The following CACHD1 variants were observed in gnomAD, a reference collection of about 807,000 sequenced individuals.
CACHD1 encodes VWFA and cache domain-containing protein 1.
In CACHD1, 71 loss-of-function variants were observed where a neutral mutation model predicts 138.7. That is an observed-to-expected ratio of 0.51 (90% CI 0.42 to 0.62). The LOEUF is 0.62. Among genes scored for constraint, CACHD1 ranks in the 20% least tolerant of loss-of-function variants. CACHD1 has a pLI of 0.00. For missense variants in CACHD1, 1,389 were observed against 1,625.3 expected (o/e 0.85, Z 2.50); for synonymous variants, 578 against 591.5 (o/e 0.98, Z 0.33).
intron 1 of CACHD1, among the ~76,000 whole-genome samples, chr1:64,540,979 AGT>A (rs369916212): frequency 0.02 from 3,059 of 150,194 alleles, 38 homozygotes; most frequent in African/African-American, 0.023. Context: ...AGTGGCTGTG[AGT>A]GTGTGTGTGT....
intron 19 of CACHD1, among the ~76,000 whole-genome samples, chr1:64,673,889 A>T (rs922855476): frequency 6.6e-6 from 1 of 152,126 alleles, no homozygotes; most frequent in African/African-American, 2.4e-5. Flanking sequence ...ATGAGATGGG[A>T]ACTCTTATGT....
Position 64,629,494 on chromosome 1 carries a change from G to A in CACHD1, c.644+13G>A. 6.2e-7 allele frequency: 1 copy of A among 1,610,356 alleles called. No individual in the cohort carries two copies. Among genetic ancestry groups the A allele is most frequent in the South Asian group, 1.1e-5 (1 of 90,130 alleles). On this transcript the variant is annotated intron_variant, in intron 5 of 26. Coordinates refer to ENST00000651257, the MANE Select transcript of CACHD1 (RefSeq NM_020925.4). The stretch of plus-strand genomic sequence containing the variant: ...AACACCGCAGTAGGTATGTTGACTT[G>A]CATGCTAAAGTTTTTAATTATTGCT...
chr1:64,559,299 A>G (rs1166208758), intron 2 of CACHD1, among the ~76,000 whole-genome samples: 3 of 152,252 alleles, frequency 2.0e-5, no homozygotes, highest in Non-Finnish European at 4.4e-5. Flanking sequence ...TATGTACACT[A>G]TGGAATATTA....
intron 2 of CACHD1, among the ~76,000 whole-genome samples, chr1:64,572,924 C>T (rs1352031920): frequency 1.3e-5 from 2 of 152,212 alleles, no homozygotes; most frequent in Non-Finnish European, 1.5e-5. Flanking sequence ...ACTGCATCTC[C>T]AGGTCTTCAT....
intron 1 of CACHD1, among the ~76,000 whole-genome samples, chr1:64,475,171 C>CTTTTTTTTTTTTTTTTTTT (rs3078373): frequency 8.0e-6 from 1 of 124,286 alleles, no homozygotes; most frequent in Non-Finnish European, 1.6e-5. Flanking sequence ...AAATTCCTTC[C>CTTTTTTTTTTTTTTTTTTT]TTTTTTTTTT....
intron 2 of CACHD1, among the ~76,000 whole-genome samples, chr1:64,580,638 A>T (rs1004383737): frequency 1.3e-5 from 2 of 152,186 alleles, no homozygotes; most frequent in South Asian, 2.1e-4. Context: ...ATTTTCCAAC[A>T]CCTGTTAAAA....
chr1:64,578,248 T>A (rs909984427), intron 2 of CACHD1, among the ~76,000 whole-genome samples: 4 of 152,194 alleles, frequency 2.6e-5, no homozygotes, highest in Non-Finnish European at 4.4e-5. Context: ...GGCTTTGGGC[T>A]CATCACTTAA....
rs767907374 is a variant in CACHD1 at position 64,671,651 on chromosome 1, A to T, written c.2475A>T (p.Leu825Phe). 1 of 1,614,008 alleles carries T rather than the reference A, an allele frequency of 6.2e-7. No homozygotes were observed. Among genetic ancestry groups the T allele is most frequent in the Non-Finnish European group, 8.5e-7 (1 of 1,179,950 alleles). ...TCTACAAAGTTCTGATGGACCTATT[A>T]CCTGTCTGTAACCAAGATGGTGGCA... ...RYFYKVLMDLLPVCNQDGGNK... is the reference protein window; with the variant it reads ...RYFYKVLMDLFPVCNQDGGNK... The change falls in exon 17 of 27, where the codon TTA (leucine) becomes TTT (phenylalanine). Residue 825 changes from leucine to phenylalanine, a missense_variant. Physicochemically the swap from Leu to Phe is conservative, Grantham distance 22. Around this residue, in one of 5 missense-constraint regions of CACHD1, gnomAD observed 1,000 missense variants for 1,114.7 expected, o/e 0.90. Coordinates refer to ENST00000651257, the MANE Select transcript of CACHD1 (RefSeq NM_020925.4).
At chr1:64,582,533 A>G (rs1647021137) in intron 3 of CACHD1, among the ~76,000 whole-genome samples, 1 of 152,126 alleles carries the variant, frequency 6.6e-6, no homozygotes, top group Non-Finnish European at 1.5e-5. Flanking sequence ...TTTTCTCCTG[A>G]TGAAATGCAA....
chr1:64,632,462 G>T, intron 5 of CACHD1, 137 bp from the exon 6 acceptor site: 3 of 790,440 alleles, frequency 3.8e-6, no homozygotes, highest in South Asian at 1.9e-5. Context: ...CTTCCATGTG[G>T]ATTTCTCCAT....
intron 1 of CACHD1, among the ~76,000 whole-genome samples, chr1:64,478,975 T>A (rs566170855): frequency 8.1e-5 from 11 of 136,598 alleles, no homozygotes; most frequent in Non-Finnish European, 9.6e-5. Context: ...TAATTCAGTT[T>A]AAAAAAAAAA....
chr1:64,584,725 G>T (rs909108321), intron 3 of CACHD1, among the ~76,000 whole-genome samples: 1 of 152,066 alleles, frequency 6.6e-6, no homozygotes, highest in African/African-American at 2.4e-5. Context: ...ATTACCCCTA[G>T]CACCTGGCCA....
intron 4 of CACHD1, among the ~76,000 whole-genome samples, chr1:64,603,431 A>G (rs547815981): frequency 4.6e-5 from 7 of 152,272 alleles, no homozygotes; most frequent in East Asian, 1.9e-4. Flanking sequence ...CTAGATAGCT[A>G]TATATGGTAC....
At chr1:64,534,648 C>T (rs1222627989) in intron 1 of CACHD1, among the ~76,000 whole-genome samples, 1 of 152,342 alleles carries the variant, frequency 6.6e-6, no homozygotes, top group East Asian at 1.9e-4. Context: ...GCACTCTGAG[C>T]AATTCAAGGG....
intron 20 of CACHD1, 118 bp downstream of exon 20, chr1:64,675,679 T>C: frequency 1.6e-6 from 2 of 1,287,802 alleles, no homozygotes; most frequent in Non-Finnish European, 2.2e-6. Context: ...TGAAGAAAAG[T>C]CACAGTTACA....
At chr1:64,603,108 T>C (rs1205798581) in intron 4 of CACHD1, among the ~76,000 whole-genome samples, 196 bp downstream of exon 4, 4 of 142,618 alleles carry the variant, frequency 2.8e-5, no homozygotes, top group Non-Finnish European at 6.1e-5. Context: ...TCTTTTTTTT[T>C]TTTTTTTTTT....
At chr1:64,670,875 GC>G (rs2100717462) in intron 16 of CACHD1, among the ~76,000 whole-genome samples, 1 of 152,264 alleles carries the variant, frequency 6.6e-6, no homozygotes, top group Non-Finnish European at 1.5e-5. Flanking sequence ...AAGCAACAGG[GC>G]CAAGATTTGA....
chr1:64,544,728 C>G (rs1029047094), intron 1 of CACHD1, among the ~76,000 whole-genome samples: 2 of 151,606 alleles, frequency 1.3e-5, no homozygotes, highest in African/African-American at 2.4e-5. Flanking sequence ...GTTGAACCTG[C>G]TCTTTTGGGG....
chr1:64,547,397 C>T (rs1311424642), intron 1 of CACHD1, among the ~76,000 whole-genome samples: 1 of 152,096 alleles, frequency 6.6e-6, no homozygotes, highest in African/African-American at 2.4e-5. Flanking sequence ...CAGAGTTTCG[C>T]TCTTGTTGCC....
Sources: gnomAD v4.1 joint callset for allele counts (sites outside exome capture counted in the v4.1 genomes callset) on GRCh38, gnomAD v4.1.1 for gene constraint, gnomAD v4.1.1 regional missense constraint, MANE v1.5 for transcripts, NCBI Gene and HGNC (gene_info 2026-07-23, HGNC 2026-07-21) for gene names.